THSD4: variants seen among roughly 807,000 people sequenced by gnomAD.
THSD4 encodes the protein thrombospondin type 1 domain containing 4.
Under a neutral mutation model 119.0 loss-of-function variants are expected in THSD4, and 69 were observed. That is an observed-to-expected ratio of 0.58 (90% CI 0.48 to 0.71). The LOEUF is 0.71. THSD4 is among the 30% of genes least tolerant of loss of function. THSD4 has a pLI of 0.00. For missense variants in THSD4, 1,393 were observed against 1,391.1 expected (o/e 1.00, Z -0.02); for synonymous variants, 524 against 540.4 (o/e 0.97, Z 0.42).
intron 7 of THSD4, among the ~76,000 whole-genome samples, chr15:71,616,269 T>A (rs1415518759): frequency 6.6e-6 from 1 of 152,028 alleles, no homozygotes; most frequent in African/African-American, 2.4e-5. Context: ...AAACCACTAG[T>A]ATGAAAAAAG....
chr15:71,118,061 G>A (rs2040378180), intron 1 of THSD4, among the ~76,000 whole-genome samples: 1 of 152,062 alleles, frequency 6.6e-6, no homozygotes, highest in African/African-American at 2.4e-5. Flanking sequence ...GTTACCACTG[G>A]GCTTTGAAGC....
intron 3 of THSD4, among the ~76,000 whole-genome samples, chr15:71,159,192 G>C (rs964799728): frequency 2.0e-5 from 3 of 152,146 alleles, no homozygotes; most frequent in Non-Finnish European, 4.4e-5. Flanking sequence ...CTTTATGCCA[G>C]TACCATGCTG....
At chr15:71,625,198 G>A (rs893424179) in intron 7 of THSD4, among the ~76,000 whole-genome samples, 1 of 152,080 alleles carries the variant, frequency 6.6e-6, no homozygotes, top group East Asian at 1.9e-4. Flanking sequence ...AGTAGAGATG[G>A]GGTTTCACCA....
At chr15:71,436,132 GT>G (rs1219695643) in intron 7 of THSD4, among the ~76,000 whole-genome samples, 1 of 152,156 alleles carries the variant, frequency 6.6e-6, no homozygotes, top group Non-Finnish European at 1.5e-5. Flanking sequence ...CCACAGCACA[GT>G]TTGTCTTAAA....
At chr15:71,508,390 G>A (rs4307906) in intron 7 of THSD4, among the ~76,000 whole-genome samples, 148,525 of 152,322 alleles carry the variant, frequency 0.98, 72,528 homozygotes, top group East Asian at 1. Context: ...ATTAAATGCA[G>A]AGGACTTCTT....
At position 71,749,931 on chromosome 15, in the gene THSD4, T is replaced by C. The variant is rs538973071; in HGVS notation, c.2415+1337T>C. On this transcript the variant is annotated intron_variant, in intron 14 of 17. Coordinates refer to ENST00000261862, the MANE Select transcript of THSD4 (RefSeq NM_024817.3). ...TTTGTATTTGTTTGTGGTTTCACCA[T>C]GTTGCCCAAGCTGGTCTCAAACTCC... 3.3e-5 allele frequency among the ~76,000 whole-genome samples: 5 copies of C among 152,132 alleles called. No homozygotes were observed. The East Asian group carries it at 7.8e-4, about 24-fold the overall frequency.
chr15:71,519,280 G>A (rs2048405072), intron 7 of THSD4, among the ~76,000 whole-genome samples: 1 of 152,226 alleles, frequency 6.6e-6, no homozygotes. Context: ...CAGAGATATA[G>A]ACAGGCTTTG....
chr15:71,412,675 A>G (rs895910832), intron 7 of THSD4, among the ~76,000 whole-genome samples: 1 of 152,158 alleles, frequency 6.6e-6, no homozygotes, highest in Non-Finnish European at 1.5e-5. Context: ...TAGTTTGAAT[A>G]TAACTTGCTA....
At chr15:71,605,511 A>G (rs1395758386) in intron 7 of THSD4, among the ~76,000 whole-genome samples, 8 of 152,204 alleles carry the variant, frequency 5.3e-5, no homozygotes, top group Non-Finnish European at 4.4e-5. Context: ...CTACTGAACA[A>G]ACCCAAGTGA....
At chr15:71,679,296 C>T (rs2051720121) in intron 8 of THSD4, among the ~76,000 whole-genome samples, 1 of 152,150 alleles carries the variant, frequency 6.6e-6, no homozygotes, top group Non-Finnish European at 1.5e-5. Context: ...GCTTGTAGAG[C>T]AGGGGCTGGC....
intron 7 of THSD4, among the ~76,000 whole-genome samples, chr15:71,596,699 A>C (rs755163302): frequency 1.3e-5 from 2 of 152,218 alleles, no homozygotes; most frequent in Non-Finnish European, 2.9e-5. Flanking sequence ...CAAATTGTTA[A>C]TGATAGAACC....
At chr15:71,285,798 G>A (rs1258053547) in intron 6 of THSD4, among the ~76,000 whole-genome samples, 1 of 130,990 alleles carries the variant, frequency 7.6e-6, no homozygotes, top group East Asian at 2.6e-4. Context: ...AGGTTGCAGT[G>A]AGCCGAAATT....
intron 7 of THSD4, among the ~76,000 whole-genome samples, chr15:71,658,225 G>T (rs1439731165): frequency 6.6e-6 from 1 of 152,148 alleles, no homozygotes; most frequent in Non-Finnish European, 1.5e-5. Flanking sequence ...CTTCAATCTG[G>T]CAAACAAGAT....
rs748459975 is a variant in THSD4 at position 71,297,327 on chromosome 15, TG to T, written c.1015+40613del. 9.9e-4 allele frequency among the ~76,000 whole-genome samples: 149 copies of T among 149,758 alleles called. 1 individual carries two copies. The highest frequency in any genetic ancestry group is 1.7e-3 in the Non-Finnish European group (113 of 67,356). Reference sequence around the variant, plus strand: ...TTGCTCTCCTCTTCTTTTTTTTGTTTGTTTGTTTGTTTGTTTGTTTGTTTCT... The same window carrying T: ...TTGCTCTCCTCTTCTTTTTTTTGTTTTTTGTTTGTTTGTTTGTTTGTTTCT... On this transcript the variant is annotated intron_variant, in intron 6 of 17. Transcript: ENST00000261862.
chr15:71,524,758 G>A lies in THSD4; in HGVS notation c.1152+112935G>A, dbSNP rs547027685. On this transcript the variant is annotated intron_variant, in intron 7 of 17. Coordinates refer to ENST00000261862, the MANE Select transcript of THSD4 (RefSeq NM_024817.3). ...ACTACAGGTGCCCACCACCACGCCC[G>A]GCTAATTTTTTTTTTTTTTTTTTTT... Among the ~76,000 whole-genome samples, 12 of 116,644 alleles carry A rather than the reference G, an allele frequency of 1.0e-4. No individual in the cohort carries two copies. The South Asian group carries it at 1.5e-3, about 15-fold the overall frequency. The allele number at this position is 116,644 out of a possible 152,430, so 76.5% of individuals were successfully genotyped here. A position where few individuals can be genotyped will look rare whatever the true frequency, so the allele number is the denominator to read the frequency against.
chr15:71,575,641 C>T (rs1005806584), intron 7 of THSD4, among the ~76,000 whole-genome samples: 1 of 152,136 alleles, frequency 6.6e-6, no homozygotes, highest in Non-Finnish European at 1.5e-5. Context: ...TTTTGGAAAG[C>T]CTGTAGTTAC....
chr15:71,662,957 A>T (rs1285061058), intron 8 of THSD4, among the ~76,000 whole-genome samples: 1 of 152,046 alleles, frequency 6.6e-6, no homozygotes, highest in Admixed American at 6.6e-5. Flanking sequence ...GGGAAAATGG[A>T]GTCAGTGAGG....
chr15:71,239,677 G>A (rs1317299703), intron 4 of THSD4, among the ~76,000 whole-genome samples: 6 of 152,162 alleles, frequency 3.9e-5, no homozygotes, highest in African/African-American at 9.7e-5. Context: ...TCCCCTGGGC[G>A]CCTACCACAT....
chr15:71,215,160 G>C lies in THSD4; in HGVS notation c.225G>C (p.Glu75Asp). ...GTAGCTGCAGCGGCGGCGTGATGGAGCAGACGCGGCCCTGCCTGCCCCGCT... is the reference window on the plus strand; with the variant it reads ...GTAGCTGCAGCGGCGGCGTGATGGACCAGACGCGGCCCTGCCTGCCCCGCT... ...CSRSCSGGVM[E>D]QTRPCLPRSY... is the part of the protein sequence containing the mutation. The change falls in exon 4 of 18, where the codon GAG (glutamate) becomes GAC (aspartate). Residue 75 changes from glutamate to aspartate, a missense_variant. Glu to Asp is a conservative substitution (Grantham distance 45). Transcript: ENST00000261862. The C allele has an allele frequency of 7.3e-7, 1 of 1,378,846 alleles. No homozygotes were observed. Among genetic ancestry groups the C allele is most frequent in the Non-Finnish European group, 9.4e-7 (1 of 1,064,552 alleles). 85.4% of individuals were successfully genotyped at this position (1,378,846 alleles called of 1,614,324 possible). A position where few individuals can be genotyped will look rare whatever the true frequency, so the allele number is the denominator to read the frequency against.
Sources: allele counts gnomAD v4.1 joint callset (sites outside exome capture counted in the v4.1 genomes callset), GRCh38; gene constraint gnomAD v4.1.1; transcripts MANE v1.5; gene names NCBI Gene and HGNC (gene_info 2026-07-23, HGNC 2026-07-21).